PCDHA8: variants seen among roughly 807,000 people sequenced by gnomAD.
The protein encoded by PCDHA8 is protocadherin alpha-8.
A neutral mutation model predicts 61.8 loss-of-function variants in PCDHA8; 53 were observed. The ratio of observed to expected loss-of-function variants is 0.86; its 90% CI spans 0.69 to 1.08. The LOEUF is 1.08. Among genes scored for constraint, PCDHA8 ranks in the 50% least tolerant of loss-of-function variants. The pLI, the probability that PCDHA8 is intolerant of heterozygous loss-of-function variation, is 0.00. For missense variants in PCDHA8, 1,293 were observed against 1,245.0 expected (o/e 1.04, Z -0.58); for synonymous variants, 618 against 556.6 (o/e 1.11, Z -1.55).
chr5:140,893,863 A>G (rs568224949), intron 1 of PCDHA8, among the ~76,000 whole-genome samples: 1 of 152,300 alleles, frequency 6.6e-6, no homozygotes, highest in African/African-American at 2.4e-5. Context: ...GTATAGAAAC[A>G]ACCCAGATCC....
chr5:140,872,307 C>T (rs1329371918), intron 1 of PCDHA8, among the ~76,000 whole-genome samples: 2 of 152,046 alleles, frequency 1.3e-5, no homozygotes, highest in East Asian at 3.9e-4. Flanking sequence ...TTATATGCTG[C>T]TTTATGGAAA....
At chr5:140,910,891 C>T (rs1273456408) in intron 1 of PCDHA8, among the ~76,000 whole-genome samples, 1 of 152,176 alleles carries the variant, frequency 6.6e-6, no homozygotes, top group Admixed American at 6.5e-5. Context: ...ATATCCATTC[C>T]TATGCCTGTC....
At chr5:140,953,331 A>G (rs2153698892) in intron 1 of PCDHA8, among the ~76,000 whole-genome samples, 1 of 152,248 alleles carries the variant, frequency 6.6e-6, no homozygotes, top group South Asian at 2.1e-4. Flanking sequence ...CATAGAATTT[A>G]GGGCTCACCT....
chr5:140,865,900 C>T (rs1012769998), intron 1 of PCDHA8: 18 of 152,230 alleles, frequency 1.2e-4, no homozygotes, highest in African/African-American at 3.8e-4. Context: ...TGTGTACAGG[C>T]AAATCTTTCT....
chr5:140,880,381 A>C (rs2058322833), intron 1 of PCDHA8, among the ~76,000 whole-genome samples: 1 of 152,196 alleles, frequency 6.6e-6, no homozygotes, highest in Admixed American at 6.5e-5. Context: ...GAGAATAGAA[A>C]ATAATTTTTA....
chr5:140,882,929 G>A, intron 1 of PCDHA8: 1 of 1,614,160 alleles, frequency 6.2e-7, no homozygotes, highest in Non-Finnish European at 8.5e-7. Context: ...AGGTAAACCC[G>A]AGCTGACTGG....
intron 3 of PCDHA8, among the ~76,000 whole-genome samples, chr5:141,000,999 A>G (rs1315543518): frequency 6.6e-6 from 1 of 152,234 alleles, no homozygotes; most frequent in Non-Finnish European, 1.5e-5. Context: ...TATGCTTTAA[A>G]TATGTATTTA....
At chr5:140,969,930 C>T (rs1200018667) in intron 1 of PCDHA8, among the ~76,000 whole-genome samples, 1 of 152,178 alleles carries the variant, frequency 6.6e-6, no homozygotes, top group Non-Finnish European at 1.5e-5. Flanking sequence ...AGTATTTAGA[C>T]ATCATACTGA....
At chr5:140,886,361 G>A (rs374709389) in intron 1 of PCDHA8, among the ~76,000 whole-genome samples, 1 of 151,992 alleles carries the variant, frequency 6.6e-6, no homozygotes, top group African/African-American at 2.4e-5. Context: ...TTACATAGGT[G>A]TACATGCCAT....
chr5:140,875,818 G>T (rs2055839936), intron 1 of PCDHA8: 1 of 1,614,100 alleles, frequency 6.2e-7, no homozygotes, highest in East Asian at 2.2e-5. Flanking sequence ...GCCGCTGCAG[G>T]TTTTCCATGT....
chr5:140,961,887 G>GTT (rs35680913), intron 1 of PCDHA8, among the ~76,000 whole-genome samples: 78 of 143,932 alleles, frequency 5.4e-4, no homozygotes, highest in African/African-American at 1.2e-3. Flanking sequence ...ACTTACATCA[G>GTT]TTTTTTTTTT....
chr5:140,988,526 G>C (rs1330767394), intron 3 of PCDHA8, among the ~76,000 whole-genome samples: 2 of 152,088 alleles, frequency 1.3e-5, no homozygotes, highest in Admixed American at 1.3e-4. Flanking sequence ...GTCTCTGCTG[G>C]CTCCATCCAT....
intron 3 of PCDHA8, among the ~76,000 whole-genome samples, chr5:140,993,826 C>T (rs1401311421): frequency 1.3e-5 from 2 of 152,134 alleles, no homozygotes; most frequent in African/African-American, 4.8e-5. Context: ...ATAGGCTATA[C>T]CATATAGCCT....
At position 140,906,523 on chromosome 5, in the gene PCDHA8, C is replaced by T. The variant is rs145617697; in HGVS notation, c.2394+62808C>T. Among the ~76,000 whole-genome samples, 1,221 of 152,284 alleles carry T rather than the reference C, an allele frequency of 8.0e-3. 6 individuals are homozygous for T. The highest frequency in any genetic ancestry group is 0.019 in the African/African-American group (786 of 41,540). On this transcript the variant is annotated intron_variant, in intron 1 of 3. Transcript: ENST00000531613. ...TTAACAAAGAAGGAGGAAATACTCA[C>T]GACAATTAAAATCCTCATTTCTGCA...
At chr5:140,941,255 C>CTCTT (rs1554214207) in intron 1 of PCDHA8, among the ~76,000 whole-genome samples, 2 of 44,508 alleles carry the variant, frequency 4.5e-5, no homozygotes, top group African/African-American at 1.4e-4. Context: ...TTCTTTCTTT[C>CTCTT]TCTTTCTTTC....
chr5:140,861,529 A>G, intron 1 of PCDHA8: 1 of 450,984 alleles, frequency 2.2e-6, no homozygotes, highest in Non-Finnish European at 4.6e-6. Flanking sequence ...AGGATCTCGG[A>G]GTGCAGCATC....
Position 140,841,219 on chromosome 5 carries a change from G to T in PCDHA8, c.-103G>T. 7.0e-7 allele frequency: 1 copy of T among 1,437,982 alleles called. No individual in the cohort carries two copies. Among genetic ancestry groups the T allele is most frequent in the South Asian group, 1.4e-5 (1 of 71,172 alleles). The allele number at this position is 1,437,982 out of a possible 1,614,324, so 89.1% of individuals were successfully genotyped here. ...CTGACAGCATCTGTCTCTAAAGGCC[G>T]AACAACGGGAGATGCAGCGGAATTG... On this transcript the variant is annotated 5_prime_UTR_variant, in exon 1 of 4. Transcript: ENST00000531613.
At chr5:140,995,235 A>G (rs1313042272) in intron 3 of PCDHA8, among the ~76,000 whole-genome samples, 1 of 152,188 alleles carries the variant, frequency 6.6e-6, no homozygotes, top group Non-Finnish European at 1.5e-5. Flanking sequence ...TGGGGCCAGT[A>G]TTAAGTAAAA....
At chr5:140,919,393 T>C (rs2079115816) in intron 1 of PCDHA8, among the ~76,000 whole-genome samples, 1 of 152,222 alleles carries the variant, frequency 6.6e-6, no homozygotes, top group South Asian at 2.1e-4. Flanking sequence ...GGATGTTGTT[T>C]TCCTAAAAAC....
Sources: gnomAD v4.1 joint callset for allele counts (sites outside exome capture counted in the v4.1 genomes callset) on GRCh38, gnomAD v4.1.1 for gene constraint, MANE v1.5 for transcripts, NCBI Gene and HGNC (gene_info 2026-07-23, HGNC 2026-07-21) for gene names.